Variants in VLDLR observed in about 807,000 individuals in gnomAD.
VLDLR encodes very low-density lipoprotein receptor.
Under a neutral mutation model 112.7 loss-of-function variants are expected in VLDLR, and 81 were observed. The observed-to-expected ratio is 0.72, with a 90% CI of 0.60 to 0.86. VLDLR has a LOEUF of 0.86. Among genes scored for constraint, VLDLR ranks in the 40% least tolerant of loss-of-function variants. The pLI, the probability that VLDLR is intolerant of heterozygous loss-of-function variation, is 0.00. For missense variants in VLDLR, 1,237 were observed against 1,099.4 expected (o/e 1.13, Z -1.77); for synonymous variants, 436 against 384.8 (o/e 1.13, Z -1.56).
rs984707617 is a variant in VLDLR at position 2,645,444 on chromosome 9, C to G, written c.1313-130C>G. Reference sequence around the variant, plus strand: ...TTGCAGGTCCCAGGGGCAGGAACTCCAGAACAGATACTACTGAGGTATTCC... The same window carrying G: ...TTGCAGGTCCCAGGGGCAGGAACTCGAGAACAGATACTACTGAGGTATTCC... On this transcript the variant is annotated intron_variant, in intron 9 of 18. Transcript: ENST00000382100. The G allele has an allele frequency of 3.3e-6, 4 of 1,196,232 alleles. No individual in the cohort carries two copies. In the African/African-American group the frequency reaches 4.5e-5, roughly 14 times the overall value. The allele number at this position is 1,196,232 out of a possible 1,614,324, so 74.1% of individuals were successfully genotyped here.
At chr9:2,643,020 A>AT in intron 4 of VLDLR, 140 bp from the exon 5 acceptor site, 1 of 1,290,782 alleles carries the variant, frequency 7.7e-7, no homozygotes, top group Non-Finnish European at 1.1e-6. Flanking sequence ...AAAGTTCTTG[A>AT]TTTAACTCCA....
chr9:2,622,359 C>G, intron 1 of VLDLR, 88 bp downstream of exon 1: 1 of 1,224,064 alleles, frequency 8.2e-7, no homozygotes, highest in South Asian at 1.9e-5. Context: ...TTTGCCCACC[C>G]GCCTCCTAGG....
chr9:2,625,093 T>C (rs757826403), intron 1 of VLDLR, among the ~76,000 whole-genome samples: 2 of 152,228 alleles, frequency 1.3e-5, no homozygotes, highest in Non-Finnish European at 2.9e-5. Context: ...ACAGTCTCCA[T>C]GCTCAAAAGA....
At chr9:2,624,141 T>C (rs1816973140) in intron 1 of VLDLR, among the ~76,000 whole-genome samples, 1 of 152,200 alleles carries the variant, frequency 6.6e-6, no homozygotes, top group Non-Finnish European at 1.5e-5. Context: ...GATGTTCACC[T>C]TGTATTGGGC....
intron 1 of VLDLR, among the ~76,000 whole-genome samples, chr9:2,628,775 G>T (rs1817211444): frequency 6.6e-6 from 1 of 152,122 alleles, no homozygotes; most frequent in Non-Finnish European, 1.5e-5. Flanking sequence ...GGGAGGGAAG[G>T]ATGGATTTTA....
chr9:2,648,493 C>T (rs886077219), intron 13 of VLDLR, 146 bp downstream of exon 13: 1 of 1,512,662 alleles, frequency 6.6e-7, no homozygotes, highest in Admixed American at 1.7e-5. Flanking sequence ...AAATCAGACA[C>T]TAAGTCCCAG....
chr9:2,630,378 G>A (rs183672807), intron 1 of VLDLR, among the ~76,000 whole-genome samples: 11 of 152,024 alleles, frequency 7.2e-5, no homozygotes, highest in Non-Finnish European at 1.2e-4. Flanking sequence ...ACAAATGGAC[G>A]GAAGGAATTC....
intron 5 of VLDLR, 46 bp from the exon 6 acceptor site, chr9:2,643,582 G>C: frequency 6.2e-7 from 1 of 1,614,178 alleles, no homozygotes; most frequent in Non-Finnish European, 8.5e-7. Flanking sequence ...TGTATCAACT[G>C]GGACAATTTG....
intron 1 of VLDLR, among the ~76,000 whole-genome samples, chr9:2,632,485 G>C (rs1484818660): frequency 1.3e-5 from 2 of 151,828 alleles, no homozygotes; most frequent in African/African-American, 4.8e-5. Flanking sequence ...ATGATTTCAA[G>C]CTCAACTTGT....
chr9:2,629,474 G>A (rs995720026), intron 1 of VLDLR, among the ~76,000 whole-genome samples: 4 of 152,326 alleles, frequency 2.6e-5, no homozygotes, highest in African/African-American at 9.6e-5. Flanking sequence ...TCAACTCCTA[G>A]CTCTGCCCAG....
chr9:2,636,992 T>C (rs7024888), intron 2 of VLDLR, among the ~76,000 whole-genome samples: 13,294 of 152,268 alleles, frequency 0.087, 981 homozygotes, highest in African/African-American at 0.2. Context: ...TAAAATAGTC[T>C]TGTATAAGTA....
At position 2,622,288 on chromosome 9, in the gene VLDLR, C is replaced by A. The variant is rs772336950; in HGVS notation, c.82+17C>A. Reference sequence around the variant, plus strand: ...CCGGAACCGGTGAGTGAGGACGCGCCCCTCCGCCGGCGGGCGGGACCCAGC... The same window carrying A: ...CCGGAACCGGTGAGTGAGGACGCGCACCTCCGCCGGCGGGCGGGACCCAGC... On this transcript the variant is annotated intron_variant, in intron 1 of 18. Coordinates refer to ENST00000382100, the MANE Select transcript of VLDLR (RefSeq NM_003383.5). The A allele has an allele frequency of 6.8e-7, 1 of 1,461,832 alleles. No homozygotes were observed. Among genetic ancestry groups the A allele is most frequent in the Non-Finnish European group, 9.0e-7 (1 of 1,111,062 alleles). 90.6% of individuals were successfully genotyped at this position (1,461,832 alleles called of 1,614,324 possible). A position where few individuals can be genotyped will look rare whatever the true frequency, so the allele number is the denominator to read the frequency against.
intron 2 of VLDLR, among the ~76,000 whole-genome samples, chr9:2,639,361 C>T (rs1817733470): frequency 6.6e-6 from 1 of 152,156 alleles, no homozygotes; most frequent in Non-Finnish European, 1.5e-5. Context: ...ACTTAATTAC[C>T]TCCCAGAGGC....
At chr9:2,628,203 G>T (rs771486089) in intron 1 of VLDLR, among the ~76,000 whole-genome samples, 1 of 152,178 alleles carries the variant, frequency 6.6e-6, no homozygotes, top group Non-Finnish European at 1.5e-5. Context: ...GTGAAAAATG[G>T]TAGCTGAACT....
intron 1 of VLDLR, among the ~76,000 whole-genome samples, chr9:2,633,615 T>TA (rs746180855): frequency 8.0e-5 from 12 of 149,644 alleles, no homozygotes; most frequent in Middle Eastern, 3.5e-3. Context: ...ACTAAAACCT[T>TA]AAAAAAAAAA....
chr9:2,652,659 G>C (rs556547467), intron 17 of VLDLR, 121 bp from the exon 18 acceptor site: 2 of 1,338,532 alleles, frequency 1.5e-6, no homozygotes, highest in South Asian at 1.3e-5. Flanking sequence ...AGTTATCCTA[G>C]CTCCATAAAA....
Position 2,645,751 on chromosome 9 carries a change from T to G in VLDLR, c.1484+6T>G. The G allele has an allele frequency of 6.2e-7, 1 of 1,614,116 alleles. No homozygotes were observed. The highest frequency in any genetic ancestry group is 1.3e-5 in the African/African-American group (1 of 75,036). ...AGCCAAAAGGCTATCTTCAGGTAAC[T>G]TTCAGTTCCTTTTGTGGTGTCTTGA... is the stretch of plus-strand genomic sequence containing the variant. On this transcript the variant is annotated splice_donor_region_variant and intron_variant, in intron 10 of 18. Coordinates refer to ENST00000382100, the MANE Select transcript of VLDLR (RefSeq NM_003383.5).
chr9:2,634,980 G>T (rs1817537302), intron 1 of VLDLR, among the ~76,000 whole-genome samples: 4 of 152,190 alleles, frequency 2.6e-5, no homozygotes. Flanking sequence ...ACAAATGAGA[G>T]AAATGAGTCC....
intron 9 of VLDLR, 117 bp from the exon 10 acceptor site, chr9:2,645,457 A>T (rs1818026108): frequency 7.9e-7 from 1 of 1,258,798 alleles, no homozygotes; most frequent in Non-Finnish European, 1.2e-6. Flanking sequence ...AACAGATACT[A>T]CTGAGGTATT....
Sources: allele counts gnomAD v4.1 joint callset (sites outside exome capture counted in the v4.1 genomes callset), GRCh38; gene constraint gnomAD v4.1.1; transcripts MANE v1.5; gene names NCBI Gene and HGNC (gene_info 2026-07-23, HGNC 2026-07-21).